The following PLXDC2 variants were observed in gnomAD, a reference collection of about 807,000 sequenced individuals.
The protein encoded by PLXDC2 is plexin domain containing 2, also known as plexin domain-containing protein 2.
Under a neutral mutation model 68.9 loss-of-function variants are expected in PLXDC2, and 40 were observed. That is an observed-to-expected ratio of 0.58 (90% CI 0.45 to 0.76). The LOEUF is 0.76. Among genes scored for constraint, PLXDC2 ranks in the 30% least tolerant of loss-of-function variants. The pLI, the probability that PLXDC2 is intolerant of heterozygous loss-of-function variation, is 0.00. For missense variants in PLXDC2, 644 were observed against 661.9 expected (o/e 0.97, Z 0.30); for synonymous variants, 243 against 234.2 (o/e 1.04, Z -0.34).
At chr10:20,052,777 G>A (rs538526897) in intron 3 of PLXDC2, among the ~76,000 whole-genome samples, 8 of 151,310 alleles carry the variant, frequency 5.3e-5, no homozygotes, top group Admixed American at 5.3e-4. Context: ...GATTTAGCTA[G>A]GGATAGTCCC....
intron 6 of PLXDC2, among the ~76,000 whole-genome samples, chr10:20,159,413 C>T (rs910727675): frequency 3.3e-5 from 5 of 152,086 alleles, no homozygotes; most frequent in African/African-American, 1.2e-4. Flanking sequence ...ATAATTCTTC[C>T]AGAATCTGCC....
rs570818298 is a variant in PLXDC2, at chr10:20,063,504, A to C, written c.472-4666A>C. Among the ~76,000 whole-genome samples, 8 of 152,346 alleles carry C rather than the reference A, an allele frequency of 5.3e-5. No individual in the cohort carries two copies. The South Asian group carries it at 1.4e-3, about 28-fold the overall frequency. On this transcript the variant is annotated intron_variant, in intron 3 of 13. Coordinates refer to ENST00000377252, the MANE Select transcript of PLXDC2 (RefSeq NM_032812.9). ...CAAGGTTTTGGGGCATTGACTAATT[A>C]ATTCATCCTTGCAATACCACTGAGA...
In PLXDC2 at chr10:20,255,187, GGATGGATAGATAGATA is replaced by G. The variant is rs1290379022; in HGVS notation, c.1473+9686_1473+9701del. The stretch of plus-strand genomic sequence containing the variant: ...TAGATGGATGGATGGGTGGATAGGT[GGATGGATAGATAGATA>G]GATAGATAGATAGATAGATAGATAG... On this transcript the variant is annotated intron_variant, in intron 13 of 13. Coordinates refer to ENST00000377252, the MANE Select transcript of PLXDC2 (RefSeq NM_032812.9). Among the ~76,000 whole-genome samples, 657 of 69,976 alleles carry G rather than the reference GGATGGATAGATAGATA, an allele frequency of 9.4e-3. 11 individuals are homozygous for G. Among genetic ancestry groups the G allele is most frequent in the East Asian group, 0.052 (188 of 3,626 alleles). The allele number at this position is 69,976 out of a possible 152,430, so 45.9% of individuals were successfully genotyped here. A position where few individuals can be genotyped will look rare whatever the true frequency, so the allele number is the denominator to read the frequency against.
At chr10:19,876,601 C>CAAAAAAA (rs61268790) in intron 1 of PLXDC2, among the ~76,000 whole-genome samples, 28 of 63,964 alleles carry the variant, frequency 4.4e-4, no homozygotes, top group African/African-American at 7.4e-4. Flanking sequence ...GATTCCATCT[C>CAAAAAAA]AAAAAAAAAA....
intron 1 of PLXDC2, among the ~76,000 whole-genome samples, chr10:19,952,108 T>A (rs530270004): frequency 2.6e-5 from 4 of 152,160 alleles, no homozygotes; most frequent in Non-Finnish European, 5.9e-5. Context: ...CATATACCCT[T>A]GTAGCAATCC....
intron 1 of PLXDC2, among the ~76,000 whole-genome samples, chr10:19,861,730 A>G (rs2131335441): frequency 6.6e-6 from 1 of 152,264 alleles, no homozygotes; most frequent in African/African-American, 2.4e-5. Flanking sequence ...CCTTTTCTGC[A>G]GCTCCTCTGA....
At chr10:19,948,101 G>A (rs962558055) in intron 1 of PLXDC2, among the ~76,000 whole-genome samples, 2 of 152,104 alleles carry the variant, frequency 1.3e-5, no homozygotes, top group African/African-American at 4.8e-5. Context: ...CTGTGAAATG[G>A]ATTTTTAAAT....
At chr10:19,825,523 C>T (rs886275973) in intron 1 of PLXDC2, among the ~76,000 whole-genome samples, 6 of 152,042 alleles carry the variant, frequency 3.9e-5, no homozygotes, top group African/African-American at 9.7e-5. Flanking sequence ...ATTGAACATT[C>T]GATAATGTTT....
At chr10:20,262,267 TAAG>T (rs1350513590) in intron 13 of PLXDC2, among the ~76,000 whole-genome samples, 2 of 152,228 alleles carry the variant, frequency 1.3e-5, no homozygotes, top group Non-Finnish European at 2.9e-5. Context: ...GCCAGAGCTA[TAAG>T]GAGTCTCGTT....
intron 6 of PLXDC2, among the ~76,000 whole-genome samples, chr10:20,156,703 A>G (rs1249321015): frequency 6.6e-6 from 1 of 152,168 alleles, no homozygotes; most frequent in Non-Finnish European, 1.5e-5. Flanking sequence ...TCGTTTGATG[A>G]TAGCTCACCT....
chr10:20,095,453 AG>A (rs1380119348), intron 4 of PLXDC2, among the ~76,000 whole-genome samples: 1 of 152,218 alleles, frequency 6.6e-6, no homozygotes, highest in Non-Finnish European at 1.5e-5. Flanking sequence ...TGTGTTTAAA[AG>A]GAGCATACAT....
intron 9 of PLXDC2, among the ~76,000 whole-genome samples, chr10:20,202,090 A>T (rs1834928379): frequency 6.6e-6 from 1 of 152,198 alleles, no homozygotes; most frequent in Non-Finnish European, 1.5e-5. Flanking sequence ...GCGGCAGTTC[A>T]GCATTTTCAC....
intron 4 of PLXDC2, among the ~76,000 whole-genome samples, chr10:20,100,443 T>A (rs1317289262): frequency 1.3e-5 from 2 of 151,710 alleles, no homozygotes; most frequent in Non-Finnish European, 2.9e-5. Context: ...ATGTCAGTGA[T>A]TTTTTTTTCC....
At chr10:20,123,202 G>C (rs1286894954) in intron 4 of PLXDC2, among the ~76,000 whole-genome samples, 1 of 152,106 alleles carries the variant, frequency 6.6e-6, no homozygotes, top group Non-Finnish European at 1.5e-5. Context: ...ACCTAGCTCG[G>C]CCTGGCGAGG....
rs530838234 is a variant in PLXDC2, at chr10:19,915,886, A to G, written c.113-85889A>G. ...AAAAGAAGAAGAAGAAGAAGAAGAAAAAAAACAGCTGCTGTAGCCTCTGCA... is the reference window on the plus strand; with the variant it reads ...AAAAGAAGAAGAAGAAGAAGAAGAAGAAAAACAGCTGCTGTAGCCTCTGCA... On this transcript the variant is annotated intron_variant, in intron 1 of 13. Coordinates refer to ENST00000377252, the MANE Select transcript of PLXDC2 (RefSeq NM_032812.9). 4.4e-4 allele frequency among the ~76,000 whole-genome samples: 63 copies of G among 144,212 alleles called. 1 individual carries two copies. Among genetic ancestry groups the G allele is most frequent in the South Asian group, 2.8e-3 (12 of 4,316 alleles). 94.6% of individuals were successfully genotyped at this position (144,212 alleles called of 152,430 possible). A position where few individuals can be genotyped will look rare whatever the true frequency, so the allele number is the denominator to read the frequency against.
chr10:20,101,525 G>T (rs1041225132), intron 4 of PLXDC2, among the ~76,000 whole-genome samples: 1 of 152,102 alleles, frequency 6.6e-6, no homozygotes, highest in Non-Finnish European at 1.5e-5. Flanking sequence ...TGCAGTCATT[G>T]TGCTACTTCT....
chr10:19,849,634 C>T (rs1026261175), intron 1 of PLXDC2, among the ~76,000 whole-genome samples: 2 of 152,052 alleles, frequency 1.3e-5, no homozygotes, highest in African/African-American at 4.8e-5. Flanking sequence ...TGTTTGCTTC[C>T]CCTTCCACCA....
At chr10:20,116,412 T>A (rs1322791574) in intron 4 of PLXDC2, among the ~76,000 whole-genome samples, 2 of 152,218 alleles carry the variant, frequency 1.3e-5, no homozygotes, top group Non-Finnish European at 2.9e-5. Flanking sequence ...CCTGCCTTTT[T>A]TTTCCATATA....
chr10:20,120,657 G>A (rs953966661), intron 4 of PLXDC2, among the ~76,000 whole-genome samples: 6 of 152,038 alleles, frequency 3.9e-5, no homozygotes, highest in Non-Finnish European at 7.4e-5. Context: ...TATCTGACTC[G>A]GGGCATATTG....
Sources: gnomAD v4.1 joint callset for allele counts (sites outside exome capture counted in the v4.1 genomes callset) on GRCh38, gnomAD v4.1.1 for gene constraint, MANE v1.5 for transcripts, NCBI Gene and HGNC (gene_info 2026-07-23, HGNC 2026-07-21) for gene names.